Variants in ZCCHC2 observed in about 807,000 individuals in gnomAD.
The protein encoded by ZCCHC2 is zinc finger CCHC-type containing 2, also known as zinc finger CCHC domain-containing protein 2.
ZCCHC2 carries 39 observed loss-of-function variants against 103.6 expected under a neutral mutation model. The observed-to-expected ratio is 0.38, with a 90% CI of 0.29 to 0.49. The LOEUF (loss-of-function observed/expected upper bound fraction) is 0.49. ZCCHC2 is among the 20% of genes least tolerant of loss of function. The probability of loss-of-function intolerance (pLI) is 0.96; values close to 1 mark genes in which losing one functional copy is unlikely to be tolerated. For synonymous variants in ZCCHC2, 687 were observed against 608.9 expected (o/e 1.13, Z -1.89); for missense variants, 1,483 against 1,491.0 (o/e 0.99, Z 0.09).
At chr18:62,545,108 G>A (rs528175520) in intron 4 of ZCCHC2, among the ~76,000 whole-genome samples, 7 of 152,274 alleles carry the variant, frequency 4.6e-5, no homozygotes, top group South Asian at 2.1e-4. Context: ...AATGGAGACC[G>A]GGTGCGGTGG....
At chr18:62,563,181 AG>A in intron 9 of ZCCHC2, 37 bp downstream of exon 9, 2 of 1,583,744 alleles carry the variant, frequency 1.3e-6, no homozygotes, top group Non-Finnish European at 1.7e-6. Flanking sequence ...ATATAGTTAA[AG>A]CATTGCTCCT....
intron 4 of ZCCHC2, among the ~76,000 whole-genome samples, chr18:62,549,950 G>T (rs1480121999): frequency 1.3e-5 from 2 of 152,212 alleles, no homozygotes; most frequent in Non-Finnish European, 2.9e-5. Context: ...ACACTCCTTG[G>T]AATACTATTC....
At position 62,550,365 on chromosome 18, in the gene ZCCHC2, T is replaced by C. The variant is rs1171763515; in HGVS notation, c.1218T>C (p.Ser406=). 4 of 1,613,504 alleles carry C rather than the reference T, an allele frequency of 2.5e-6. No homozygotes were observed. In the East Asian group the frequency reaches 6.7e-5, roughly 27 times the overall value. ...TTTTCTAGCTTCCAAAGGAACTGTC[T>C]TCAGAGACTTTTGACAAGACCATCT... The part of the protein sequence containing the change: ...EFLLKLPKEL[S]SETFDKTILR... The change falls in exon 5 of 14, where the codon TCT becomes TCC. Residue 406 remains serine, a synonymous_variant. Coordinates refer to ENST00000269499, the MANE Select transcript of ZCCHC2 (RefSeq NM_017742.6).
chr18:62,559,338 G>A (rs1047850292), intron 7 of ZCCHC2, among the ~76,000 whole-genome samples: 1 of 152,182 alleles, frequency 6.6e-6, no homozygotes, highest in African/African-American at 2.4e-5. Flanking sequence ...CAGAAATATA[G>A]GTGAAAGACA....
intron 1 of ZCCHC2, among the ~76,000 whole-genome samples, chr18:62,529,829 G>A (rs888820870): frequency 2.0e-5 from 3 of 152,108 alleles, no homozygotes; most frequent in Non-Finnish European, 2.9e-5. Context: ...CATACCCATG[G>A]TTTCTACATC....
In ZCCHC2 at chr18:62,575,050, G is replaced by C. The variant is rs764696870; in HGVS notation, c.2969G>C (p.Ser990Thr). The stretch of plus-strand genomic sequence containing the variant: ...CAGAGTGACAGCACCTCTTACATCA[G>C]TGCTGTGGGGAACACGAACGCTAAT... ...TAQSDSTSYI[S>T]AVGNTNANGT... is the part of the protein sequence containing the mutation. The change falls in exon 13 of 14, where the codon AGT (serine) becomes ACT (threonine). Residue 990 changes from serine to threonine, a missense_variant. By Grantham distance (58) the Ser-to-Thr change is moderately conservative. Transcript: ENST00000269499. 6.2e-6 allele frequency: 10 copies of C among 1,614,034 alleles called. No homozygotes were observed. Among genetic ancestry groups the C allele is most frequent in the Non-Finnish European group, 8.5e-6 (10 of 1,179,888 alleles).
intron 1 of ZCCHC2, chr18:62,539,395 T>C (rs1412805974): frequency 1.1e-5 from 3 of 279,578 alleles, no homozygotes; most frequent in South Asian, 5.4e-5. Flanking sequence ...CCATTTGTTA[T>C]GTGTTCCTTT....
At chr18:62,537,125 C>A (rs1914961499) in intron 1 of ZCCHC2, among the ~76,000 whole-genome samples, 1 of 152,146 alleles carries the variant, frequency 6.6e-6, no homozygotes, top group African/African-American at 2.4e-5. Context: ...AAATGCTATA[C>A]CCATTTAAAA....
In ZCCHC2 at chr18:62,578,494, G is replaced by A. The variant is rs1337173146; in HGVS notation, c.*1915G>A. ...TTTGATATTTGAAATGTTATGTACT[G>A]GAAAGGCCACTTATATTTCTAGAAC... On this transcript the variant is annotated 3_prime_UTR_variant, in exon 14 of 14. Transcript: ENST00000269499. The A allele has an allele frequency of 1.3e-5, 2 of 152,550 alleles. No individual in the cohort carries two copies. Among genetic ancestry groups the A allele is most frequent in the Non-Finnish European group, 2.9e-5 (2 of 68,040 alleles). 9.4% of individuals were successfully genotyped at this position (152,550 alleles called of 1,614,324 possible).
Position 62,523,320 on chromosome 18 carries a change from G to A in ZCCHC2, c.-105G>A. ...GCCCCGGCCCTCCCCCGGCGGCATG[G>A]AGGGGCCCCGCTCCTGACGGCCGCG... On this transcript the variant is annotated 5_prime_UTR_variant, in exon 1 of 14. Transcript: ENST00000269499. 1 of 981,988 alleles carries A rather than the reference G, an allele frequency of 1.0e-6. No homozygotes were observed. The highest frequency in any genetic ancestry group is 1.2e-6 in the Non-Finnish European group (1 of 828,084). 60.8% of individuals were successfully genotyped at this position (981,988 alleles called of 1,614,324 possible).
At chr18:62,569,163 C>T (rs1474030082) in intron 11 of ZCCHC2, among the ~76,000 whole-genome samples, 2 of 152,198 alleles carry the variant, frequency 1.3e-5, no homozygotes, top group Non-Finnish European at 2.9e-5. Flanking sequence ...ATTTGAGTGG[C>T]TGGGCTAATC....
At chr18:62,565,226 C>T (rs1916307739) in intron 11 of ZCCHC2, 130 bp downstream of exon 11, 2 of 628,506 alleles carry the variant, frequency 3.2e-6, no homozygotes, top group African/African-American at 1.9e-5. Context: ...TTGATATGTA[C>T]AGCAATTTCC....
At chr18:62,524,440 C>A (rs1486989009) in intron 1 of ZCCHC2, 77 bp downstream of exon 1, 5 of 1,408,680 alleles carry the variant, frequency 3.5e-6, no homozygotes, top group Non-Finnish European at 4.6e-6. Flanking sequence ...CTCTCGGACG[C>A]CCCTTGCCCG....
downstream of ZCCHC2, among the ~76,000 whole-genome samples, chr18:62,579,310 T>C (rs1337429398): frequency 2.0e-5 from 3 of 152,214 alleles, no homozygotes; most frequent in Non-Finnish European, 4.4e-5. Flanking sequence ...CAGTATAATG[T>C]GTACTATTTT....
intron 1 of ZCCHC2, among the ~76,000 whole-genome samples, chr18:62,534,011 TG>T (rs1296141152): frequency 3.3e-5 from 5 of 152,224 alleles, no homozygotes; most frequent in African/African-American, 1.2e-4. Context: ...TAAGAGGAAT[TG>T]TTTCTTTATA....
At chr18:62,567,145 G>A (rs556900127) in intron 11 of ZCCHC2, among the ~76,000 whole-genome samples, 2 of 152,106 alleles carry the variant, frequency 1.3e-5, no homozygotes, top group African/African-American at 4.8e-5. Flanking sequence ...CAAGTGCAGC[G>A]CAGATGTATG....
intron 11 of ZCCHC2, among the ~76,000 whole-genome samples, chr18:62,567,563 T>C (rs1916419998): frequency 6.6e-6 from 1 of 152,192 alleles, no homozygotes; most frequent in South Asian, 2.1e-4. Context: ...CTGTCTGTGT[T>C]GTTGGAGTGT....
downstream of ZCCHC2, among the ~76,000 whole-genome samples, chr18:62,579,837 C>G (rs1449391502): frequency 6.6e-6 from 1 of 152,194 alleles, no homozygotes; most frequent in East Asian, 1.9e-4. Flanking sequence ...ATTCTCCTGC[C>G]TCAGCCTCTC....
intron 11 of ZCCHC2, among the ~76,000 whole-genome samples, chr18:62,569,602 GT>G (rs1412463850): frequency 6.6e-6 from 1 of 151,706 alleles, no homozygotes; most frequent in Non-Finnish European, 1.5e-5. Context: ...GTCATGGCAG[GT>G]CCTGTCACCA....
Sources: gnomAD v4.1 joint callset for allele counts (sites outside exome capture counted in the v4.1 genomes callset) on GRCh38, gnomAD v4.1.1 for gene constraint, MANE v1.5 for transcripts, NCBI Gene and HGNC (gene_info 2026-07-23, HGNC 2026-07-21) for gene names.